SLCO1A2: variants seen among roughly 807,000 people sequenced by gnomAD.
SLCO1A2 encodes the protein OATP-1.
SLCO1A2 carries 67 observed loss-of-function variants against 69.0 expected under a neutral mutation model. The observed-to-expected ratio is 0.97, with a 90% CI of 0.80 to 1.19. The LOEUF is 1.19. SLCO1A2 is among the 50% of genes most tolerant of loss of function. The pLI, the probability that SLCO1A2 is intolerant of heterozygous loss-of-function variation, is 0.00. For synonymous variants in SLCO1A2, 260 were observed against 265.9 expected, an observed-to-expected ratio of 0.98 and a Z score of 0.22; for missense variants, 787 against 793.7, an observed-to-expected ratio of 0.99 and a Z score of 0.10.
At chr12:21,299,496 C>A (rs1266559269) in intron 8 of SLCO1A2, among the ~76,000 whole-genome samples, 1 of 151,042 alleles carries the variant, frequency 6.6e-6, no homozygotes, top group Non-Finnish European at 1.5e-5. Flanking sequence ...CCTTGGAGAA[C>A]TGCTTCTGTT....
At chr12:21,300,637 T>C in intron 7 of SLCO1A2, 68 bp from the exon 8 acceptor site, 2 of 1,248,682 alleles carry the variant, frequency 1.6e-6, no homozygotes, top group Non-Finnish European at 2.2e-6. Flanking sequence ...TAGAAAATTA[T>C]TAAAATTAGA....
At chr12:21,305,564 C>A (rs1949262016) in intron 5 of SLCO1A2, among the ~76,000 whole-genome samples, 1 of 152,216 alleles carries the variant, frequency 6.6e-6, no homozygotes, top group South Asian at 2.1e-4. Context: ...CAGGCAAACT[C>A]TAGGCCTATT....
At position 21,293,967 on chromosome 12, in the gene SLCO1A2, G is replaced by T. The variant is rs1228801433; in HGVS notation, c.1415C>A (p.Ser472Tyr). Residue 472 changes from serine to tyrosine, a missense_variant, in exon 11 of 15, where the codon TCC becomes TAC. Ser to Tyr is a moderately radical substitution (Grantham distance 144, BLOSUM62 -2). Transcript: ENST00000683939. ...TACCATGTTTATTCCCGTTCCAATG[G>T]ATGTCTCACAACCAGCAAGACAAGC... ...LSACLAGCETSIGTGINMVFQ... is the reference protein window; with the variant it reads ...LSACLAGCETYIGTGINMVFQ... 6.2e-6 allele frequency: 10 copies of T among 1,609,856 alleles called. No homozygotes were observed. The highest frequency in any genetic ancestry group is 3.3e-4 in the Middle Eastern group (2 of 6,044).
At chr12:21,397,208 G>T (rs1235249536), upstream of SLCO1A2, among the ~76,000 whole-genome samples, 4 of 150,558 alleles carry the variant, frequency 2.7e-5, no homozygotes, top group African/African-American at 4.9e-5. Context: ...ACAAAAAAAG[G>T]CAGGGGTTGC....
At chr12:21,418,978 T>G (rs1942034707), upstream of SLCO1A2, among the ~76,000 whole-genome samples, 1 of 152,174 alleles carries the variant, frequency 6.6e-6, no homozygotes, top group African/African-American at 2.4e-5. Context: ...AAATACAATG[T>G]GTTCCAGCTC....
At chr12:21,310,547 G>A (rs1313202585) in intron 4 of SLCO1A2, among the ~76,000 whole-genome samples, 3 of 152,210 alleles carry the variant, frequency 2.0e-5, no homozygotes, top group Non-Finnish European at 4.4e-5. Flanking sequence ...GTTTCCTGTG[G>A]CAATTGACTC....
At chr12:21,398,660 CA>C (rs1323380918), upstream of SLCO1A2, among the ~76,000 whole-genome samples, 1 of 151,666 alleles carries the variant, frequency 6.6e-6, no homozygotes, top group Non-Finnish European at 1.5e-5. Context: ...AGCAGCACAT[CA>C]AAAAGCTTAT....
chr12:21,339,578 A>T (rs1015798106), upstream of SLCO1A2, among the ~76,000 whole-genome samples: 1 of 151,948 alleles, frequency 6.6e-6, no homozygotes, highest in Non-Finnish European at 1.5e-5. Context: ...TAATAGAGGG[A>T]TATTATATGG....
chr12:21,373,441 T>A (rs1479138551), intron 2 of SLCO1A2: 1 of 1,588,110 alleles, frequency 6.3e-7, no homozygotes, highest in Non-Finnish European at 8.6e-7. Context: ...GGTTGGTAAC[T>A]TTAAAATCCT....
At chr12:21,383,062 A>G (rs1940688347) in intron 1 of SLCO1A2, among the ~76,000 whole-genome samples, 1 of 152,230 alleles carries the variant, frequency 6.6e-6, no homozygotes, top group South Asian at 2.1e-4. Context: ...GAATGGGACT[A>G]AAATAGTTAT....
chr12:21,405,722 C>G (rs1367171176), intron 1 of SLCO1A2, among the ~76,000 whole-genome samples: 1 of 152,136 alleles, frequency 6.6e-6, no homozygotes, highest in Non-Finnish European at 1.5e-5. Flanking sequence ...AAAATTGAAA[C>G]TGGACCCCTT....
At position 21,412,623 on chromosome 12, in the gene SLCO1A2, T is replaced by C. The variant is rs1299739132; in HGVS notation, c.-312+5259A>G. Among the ~76,000 whole-genome samples, 2 of 152,232 alleles carry C rather than the reference T, an allele frequency of 1.3e-5. 1 individual carries two copies. The highest frequency in any genetic ancestry group is 4.1e-4 in the South Asian group (2 of 4,826). On this transcript the variant is annotated intron_variant, in intron 1 of 4. Coordinates refer to the SLCO1A2 transcript ENST00000413682. ...TCACCTTTGAAAGGTAAGAGTAAAT[T>C]TGTCCAAGACTGATTCCCTGCAAGG...
chr12:21,404,480 T>C (rs2137197551), intron 1 of SLCO1A2, among the ~76,000 whole-genome samples: 1 of 152,266 alleles, frequency 6.6e-6, no homozygotes, highest in African/African-American at 2.4e-5. Flanking sequence ...GTGAGAAACA[T>C]GTGGTGTTTA....
intron 2 of SLCO1A2, among the ~76,000 whole-genome samples, chr12:21,365,075 G>C (rs1230921277): frequency 6.6e-6 from 1 of 152,164 alleles, no homozygotes; most frequent in Non-Finnish European, 1.5e-5. Flanking sequence ...CCAAAAAAGA[G>C]CTCTCATTGC....
Position 21,292,216 on chromosome 12 carries a change from T to C in SLCO1A2, c.1558A>G (p.Ser520Gly). The stretch of plus-strand genomic sequence containing the variant: ...GCAGCCAAAGAATAAATGAAACTGC[T>C]CATCGCTGACAAGATTAGGAAGTAC... The part of the protein sequence containing the change: ...LQYFLILSAM[S>G]SFIYSLAAIP... The change falls in exon 12 of 15, where the codon AGC (serine) becomes GGC (glycine). Residue 520 changes from serine to glycine, a missense_variant. Transcript: ENST00000683939. 3 of 1,611,890 alleles carry C rather than the reference T, an allele frequency of 1.9e-6. No individual in the cohort carries two copies. Among genetic ancestry groups the C allele is most frequent in the Non-Finnish European group, 2.5e-6 (3 of 1,178,734 alleles).
intron 12 of SLCO1A2, among the ~76,000 whole-genome samples, chr12:21,283,922 G>A (rs1945255303): frequency 6.6e-6 from 1 of 152,108 alleles, no homozygotes; most frequent in Non-Finnish European, 1.5e-5. Context: ...AAATACTGGT[G>A]AGTATGTAGA....
At chr12:21,370,331 CTTTTT>C (rs539121076) in intron 2 of SLCO1A2, among the ~76,000 whole-genome samples, 1 of 145,452 alleles carries the variant, frequency 6.9e-6, no homozygotes, top group Non-Finnish European at 1.5e-5. Flanking sequence ...TCTTCCTTTT[CTTTTT>C]TTTTTATTAT....
At chr12:21,395,919 G>C (rs1941435854), upstream of SLCO1A2, among the ~76,000 whole-genome samples, 1 of 150,866 alleles carries the variant, frequency 6.6e-6, no homozygotes, top group East Asian at 2.0e-4. Flanking sequence ...CACAAAGATG[G>C]GGAAAAAACA....
intron 2 of SLCO1A2, among the ~76,000 whole-genome samples, chr12:21,368,874 C>G (rs896851809): frequency 1.3e-5 from 2 of 152,046 alleles, no homozygotes; most frequent in African/African-American, 4.8e-5. Context: ...GTGAGGAGAG[C>G]TGAATCTTCT....
Sources: gnomAD v4.1 joint callset for allele counts (sites outside exome capture counted in the v4.1 genomes callset) on GRCh38, gnomAD v4.1.1 for gene constraint, MANE v1.5 for transcripts, NCBI Gene and HGNC (gene_info 2026-07-23, HGNC 2026-07-21) for gene names.